The following CIT variants were observed in gnomAD, a reference collection of about 807,000 sequenced individuals.
The protein encoded by CIT is citron Rho-interacting kinase.
A neutral mutation model predicts 272.7 loss-of-function variants in CIT; 79 were observed. The observed-to-expected ratio is 0.29, with a 90% CI of 0.24 to 0.35. CIT has a LOEUF of 0.35. CIT is among the 10% of genes least tolerant of loss of function. CIT has a pLI of 1.00. For synonymous variants in CIT, 948 were observed against 995.6 expected (o/e 0.95, Z 0.90); for missense variants, 1,909 against 2,618.3 (o/e 0.73, Z 5.91).
chr12:119,814,755 T>C (rs1164119452), intron 9 of CIT, among the ~76,000 whole-genome samples: 1 of 152,010 alleles, frequency 6.6e-6, no homozygotes, highest in Non-Finnish European at 1.5e-5. Context: ...AGATGAACTT[T>C]AAAAGGCCCA....
intron 9 of CIT, among the ~76,000 whole-genome samples, chr12:119,813,434 T>C (rs1474524655): frequency 1.3e-5 from 2 of 152,178 alleles, no homozygotes; most frequent in East Asian, 3.8e-4. Flanking sequence ...CAACCGCCCT[T>C]TTTAGTTCTA....
chr12:119,834,107 T>A lies in CIT; in HGVS notation c.638A>T (p.His213Leu). 1.2e-6 allele frequency: 2 copies of A among 1,613,486 alleles called. No homozygotes were observed. The highest frequency in any genetic ancestry group is 1.7e-6 in the Non-Finnish European group (2 of 1,179,834). The change falls in exon 6 of 48, where the codon CAT becomes CTT. Residue 213 changes from histidine to leucine, a missense_variant. Physicochemically the swap from His to Leu is moderately conservative, Grantham distance 99 (BLOSUM62 -3). Coordinates refer to ENST00000392521, the MANE Select transcript of CIT (RefSeq NM_001206999.2). Reference sequence around the variant, plus strand: ...TTACCGATGCACGTATCCCATCAGATGAACGCTGTGAACAGCCAAAATCAG... The same window carrying A: ...TTACCGATGCACGTATCCCATCAGAAGAACGCTGTGAACAGCCAAAATCAG... Reference protein sequence around the residue: ...AELILAVHSVHLMGYVHRDIK... With the variant: ...AELILAVHSVLLMGYVHRDIK...
chr12:119,749,587 C>T (rs945099029), intron 23 of CIT, among the ~76,000 whole-genome samples: 2 of 152,140 alleles, frequency 1.3e-5, no homozygotes, highest in Non-Finnish European at 2.9e-5. Flanking sequence ...TTTGGATTTC[C>T]GTATGATGGG....
intron 10 of CIT, among the ~76,000 whole-genome samples, chr12:119,786,963 A>T (rs1964844973): frequency 1.3e-5 from 2 of 152,258 alleles, no homozygotes; most frequent in Non-Finnish European, 2.9e-5. Flanking sequence ...CTCTATTTTT[A>T]AAATAAATAA....
chr12:119,695,665 ACACACCTGTAAT>A (rs1194654048), intron 46 of CIT, among the ~76,000 whole-genome samples: 1 of 152,134 alleles, frequency 6.6e-6, no homozygotes, highest in Admixed American at 6.5e-5. Context: ...GTGTGGTGGC[ACACACCTGTAAT>A]CCCAGCTGCT....
intron 24 of CIT, among the ~76,000 whole-genome samples, chr12:119,737,200 G>A (rs1054865461): frequency 5.3e-5 from 8 of 149,896 alleles, no homozygotes; most frequent in African/African-American, 1.2e-4. Context: ...CCAGCTACTC[G>A]GGAGGCTGAG....
At chr12:119,767,656 G>A (rs138094900) in intron 18 of CIT, among the ~76,000 whole-genome samples, 33 of 152,266 alleles carry the variant, frequency 2.2e-4, no homozygotes, top group East Asian at 1.5e-3. Context: ...GAAAACTAAT[G>A]TTATGATCCA....
chr12:119,802,638 C>G (rs1357990697), intron 10 of CIT, among the ~76,000 whole-genome samples: 1 of 152,186 alleles, frequency 6.6e-6, no homozygotes, highest in Non-Finnish European at 1.5e-5. Flanking sequence ...CAGAGAGGCT[C>G]AGCTGCCAGA....
chr12:119,737,877 G>T (rs1346791166), intron 24 of CIT, among the ~76,000 whole-genome samples: 1 of 152,106 alleles, frequency 6.6e-6, no homozygotes, highest in Non-Finnish European at 1.5e-5. Flanking sequence ...GTTTCAAGTT[G>T]CTGGAGTCAT....
intron 46 of CIT, among the ~76,000 whole-genome samples, chr12:119,693,070 A>G (rs1956046292): frequency 6.6e-6 from 1 of 152,136 alleles, no homozygotes; most frequent in Non-Finnish European, 1.5e-5. Flanking sequence ...AACAAATGAG[A>G]GGGTGCTCAC....
chr12:119,795,649 T>C (rs1965672728), intron 10 of CIT, among the ~76,000 whole-genome samples: 1 of 152,212 alleles, frequency 6.6e-6, no homozygotes, highest in Admixed American at 6.5e-5. Flanking sequence ...AGCAAAGTCA[T>C]GGCTCTTAGA....
chr12:119,831,748 A>C (rs1039973904), intron 7 of CIT, among the ~76,000 whole-genome samples: 4 of 152,182 alleles, frequency 2.6e-5, no homozygotes, highest in African/African-American at 9.6e-5. Flanking sequence ...GGGCGCTTGC[A>C]GTCCCAGCTA....
chr12:119,791,988 G>A (rs1008330118), intron 10 of CIT, among the ~76,000 whole-genome samples: 6 of 152,076 alleles, frequency 3.9e-5, no homozygotes, highest in Non-Finnish European at 5.9e-5. Flanking sequence ...CAGTTTTCCC[G>A]TGATGTACCT....
intron 5 of CIT, among the ~76,000 whole-genome samples, chr12:119,846,468 G>A (rs1566119438): frequency 2.0e-5 from 3 of 152,198 alleles, no homozygotes; most frequent in Admixed American, 1.3e-4. Context: ...AGGTAGACCA[G>A]AAAACTGTGG....
chr12:119,864,715 T>G (rs542517444), intron 3 of CIT, among the ~76,000 whole-genome samples: 39 of 152,378 alleles, frequency 2.6e-4, no homozygotes, highest in African/African-American at 9.4e-4. Flanking sequence ...GCCATTTATT[T>G]TGTTCACTGA....
Position 119,686,970 on chromosome 12 carries a change from C to T in CIT, c.*1262G>A, listed in dbSNP as rs374008004. On this transcript the variant is annotated 3_prime_UTR_variant, in exon 48 of 48. Coordinates refer to ENST00000392521, the MANE Select transcript of CIT (RefSeq NM_001206999.2). The stretch of plus-strand genomic sequence containing the variant: ...GTCACAGTTTCGTGGGGTAGAACCG[C>T]GCTGGATTGGGTGTGAACAGAGTCA... 6.6e-6 allele frequency: 1 copy of T among 152,612 alleles called. No individual in the cohort carries two copies. Among genetic ancestry groups the T allele is most frequent in the Non-Finnish European group, 1.5e-5 (1 of 68,094 alleles). 9.5% of individuals were successfully genotyped at this position (152,612 alleles called of 1,614,324 possible).
chr12:119,868,412 C>G (rs987344337), intron 3 of CIT, among the ~76,000 whole-genome samples: 5 of 152,006 alleles, frequency 3.3e-5, no homozygotes, highest in Non-Finnish European at 7.4e-5. Flanking sequence ...CCTACTCTGC[C>G]TAATAGAAAG....
intron 27 of CIT, among the ~76,000 whole-genome samples, chr12:119,730,089 G>A (rs939196957): frequency 1.3e-5 from 2 of 152,126 alleles, no homozygotes; most frequent in African/African-American, 4.8e-5. Context: ...ACACGGAGAA[G>A]CTGAGCTGCC....
chr12:119,853,348 C>T (rs1970359154), intron 4 of CIT, among the ~76,000 whole-genome samples: 1 of 150,532 alleles, frequency 6.6e-6, no homozygotes, highest in Non-Finnish European at 1.5e-5. Context: ...AAAATGGTTA[C>T]TGTTTCAATT....
Sources: allele counts gnomAD v4.1 joint callset (sites outside exome capture counted in the v4.1 genomes callset), GRCh38; gene constraint gnomAD v4.1.1; transcripts MANE v1.5; gene names NCBI Gene and HGNC (gene_info 2026-07-23, HGNC 2026-07-21).